IRF4: variants seen among roughly 807,000 people sequenced by gnomAD.
The protein encoded by IRF4 is interferon regulatory factor 4.
A neutral mutation model predicts 55.5 loss-of-function variants in IRF4; 13 were observed. The observed-to-expected ratio is 0.23, with a 90% confidence interval of 0.15 to 0.37. The LOEUF is 0.37. Among genes scored for constraint, IRF4 ranks in the 10% least tolerant of loss-of-function variants. The pLI, the probability that IRF4 is intolerant of heterozygous loss-of-function variation, is 1.00. For synonymous variants in IRF4, 249 were observed against 240.7 expected, an observed-to-expected ratio of 1.03 and a Z score of -0.32; for missense variants, 397 against 593.8, an observed-to-expected ratio of 0.67 and a Z score of 3.44.
At chr6:399,254 A>G (rs753324660) in intron 6 of IRF4, among the ~76,000 whole-genome samples, 4 of 152,318 alleles carry the variant, frequency 2.6e-5, no homozygotes, top group Non-Finnish European at 5.9e-5. Context: ...CTCTTCAGCC[A>G]ACATTCTCAC....
At chr6:396,058 C>CA in intron 4 of IRF4, 123 bp downstream of exon 4, 1 of 688,584 alleles carries the variant, frequency 1.5e-6, no homozygotes, top group Non-Finnish European at 2.5e-6. Context: ...CTCCAACAGC[C>CA]CAGAAAAACC....
chr6:398,749 C>A, intron 5 of IRF4, 79 bp from the exon 6 acceptor site: 2 of 981,042 alleles, frequency 2.0e-6, no homozygotes, highest in East Asian at 2.6e-5. Flanking sequence ...TCCCAGGCTT[C>A]ACACACACAC....
chr6:393,122 C>A lies in IRF4; in HGVS notation c.-31C>A. On this transcript the variant is annotated 5_prime_UTR_variant, in exon 2 of 9. Coordinates refer to ENST00000380956, the MANE Select transcript of IRF4 (RefSeq NM_002460.4). This position sits in a 1 kb window ranked among gnomAD's most constrained non-coding sequence, Gnocchi z 5.4. ...GTGCAGAGCAGAGCGGGCGGAGGAC[C>A]CCGGGCGCGGGCGCGGACGGCACGC... 1 of 1,542,300 alleles carries A rather than the reference C, an allele frequency of 6.5e-7. No individual in the cohort carries two copies. Among genetic ancestry groups the A allele is most frequent in the Non-Finnish European group, 8.8e-7 (1 of 1,142,298 alleles).
Position 401,699 on chromosome 6 carries a change from G to A in IRF4, c.1021G>A (p.Ala341Thr). The A allele has an allele frequency of 6.2e-7, 1 of 1,614,234 alleles. No individual in the cohort carries two copies. The highest frequency in any genetic ancestry group is 8.5e-7 in the Non-Finnish European group (1 of 1,180,050). ...CAGGATCTACTGGGACGGGCCCCTG[G>A]CGCTGTGCAACGACCGGCCCAACAA... ...QSRIYWDGPL[A>T]LCNDRPNKLE... The change falls in exon 7 of 9, where the codon GCG (alanine) becomes ACG (threonine). Residue 341 changes from alanine to threonine, a missense_variant. Physicochemically the swap from Ala to Thr is moderately conservative, Grantham distance 58. Transcript: ENST00000380956.
At chr6:394,534 G>C (rs1156517445) in intron 2 of IRF4, among the ~76,000 whole-genome samples, 1 of 152,208 alleles carries the variant, frequency 6.6e-6, no homozygotes, top group Non-Finnish European at 1.5e-5. Context: ...TTGGGAAGAT[G>C]AGGTGGAAGG....
rs893823313 is a variant in IRF4, at chr6:398,828, G to T, written c.638G>T (p.Gly213Val). 2 of 1,611,890 alleles carry T rather than the reference G, an allele frequency of 1.2e-6. No homozygotes were observed. The highest frequency in any genetic ancestry group is 1.3e-5 in the African/African-American group (1 of 75,024). The change falls in exon 6 of 9, where the codon GGT (glycine) becomes GTT (valine). Residue 213 changes from glycine to valine, a missense_variant and splice_region_variant. This residue lies in a region of IRF4 where 341 missense variants were observed against 548.1 expected (regional missense o/e 0.62). Transcript: ENST00000380956. ...ATCTGATTTTTATTTGCAAATGCAG[G>T]TTGCCAGGTGACAGGAACCTTTTAT... ...HHWQGPACEN[G>V]CQVTGTFYAC...
At chr6:397,057 C>A in intron 4 of IRF4, 51 bp from the exon 5 acceptor site, 2 of 1,599,072 alleles carry the variant, frequency 1.3e-6, no homozygotes, top group Non-Finnish European at 1.7e-6. Context: ...CTCCTTTACC[C>A]CCGTCTCAAT....
Position 393,550 on chromosome 6 carries a change from C to T in IRF4, c.216+182C>T. Among the ~76,000 whole-genome samples the T allele has an allele frequency of 6.6e-6, 1 of 152,018 alleles. No individual in the cohort carries two copies. The highest frequency in any genetic ancestry group is 3.4e-3 in the Middle Eastern group (1 of 292). ...GAGGAAAGGAGGCCTCGGCTCTCAG[C>T]GGGACCGCGGGGGCCGGGAGCCGGG... On this transcript the variant is annotated intron_variant, in intron 2 of 8. Coordinates refer to ENST00000380956, the MANE Select transcript of IRF4 (RefSeq NM_002460.4). The surrounding 1 kb of genome is among the most constrained non-coding windows in gnomAD (Gnocchi z 5.4).
At chr6:394,092 C>A (rs1433188614) in intron 2 of IRF4, among the ~76,000 whole-genome samples, 9 of 152,174 alleles carry the variant, frequency 5.9e-5, no homozygotes, top group Admixed American at 5.9e-4. Context: ...GCCCAGCCCC[C>A]ACCTGTGGGC....
chr6:404,105 T>G (rs1396972381), intron 7 of IRF4, among the ~76,000 whole-genome samples: 2 of 152,158 alleles, frequency 1.3e-5, no homozygotes, highest in African/African-American at 4.8e-5. Context: ...CCCGAGGGTG[T>G]GTATCTGATA....
At chr6:395,055 C>CT in intron 3 of IRF4, 48 bp downstream of exon 3, 1 of 1,381,098 alleles carries the variant, frequency 7.2e-7, no homozygotes. Context: ...CAGCCAGATC[C>CT]TTGAGGCACC....
rs1423974332 is a variant in IRF4 at position 401,804 on chromosome 6, T to C, written c.1099+27T>C. ...TAAGGCACCTCGTTATCTGTTAGAATGGAGGTGGTGATGGCCTGCCTGCCA... is the reference window on the plus strand; with the variant it reads ...TAAGGCACCTCGTTATCTGTTAGAACGGAGGTGGTGATGGCCTGCCTGCCA... On this transcript the variant is annotated intron_variant, in intron 7 of 8. Coordinates refer to ENST00000380956, the MANE Select transcript of IRF4 (RefSeq NM_002460.4). 3.1e-6 allele frequency: 5 copies of C among 1,599,726 alleles called. No individual in the cohort carries two copies. The South Asian group carries it at 5.5e-5, about 18-fold the overall frequency.
rs1761589342 is a variant in IRF4 at position 407,732 on chromosome 6, G to A, written c.*134G>A. ...CAGCTCACTGTGACCTCCGCCTCCT[G>A]GGTTCAAGAGACTCTCCTGCCTCAG... is the stretch of plus-strand genomic sequence containing the variant. On this transcript the variant is annotated 3_prime_UTR_variant, in exon 9 of 9. Transcript: ENST00000380956. The A allele has an allele frequency of 1.3e-6, 1 of 791,592 alleles. No homozygotes were observed. The highest frequency in any genetic ancestry group is 1.8e-5 in the South Asian group (1 of 55,574). 49.0% of individuals were successfully genotyped at this position (791,592 alleles called of 1,614,324 possible). A position where few individuals can be genotyped will look rare whatever the true frequency, so the allele number is the denominator to read the frequency against.
intron 7 of IRF4, among the ~76,000 whole-genome samples, chr6:403,269 C>T (rs1467452604): frequency 6.6e-6 from 1 of 152,252 alleles, no homozygotes; most frequent in South Asian, 2.1e-4. Flanking sequence ...GGGGGACCCC[C>T]CCTCCCCTGT....
At chr6:400,236 C>T (rs763397481) in intron 6 of IRF4, among the ~76,000 whole-genome samples, 8 of 152,164 alleles carry the variant, frequency 5.3e-5, no homozygotes, top group African/African-American at 9.7e-5. Context: ...TAATTATCAG[C>T]CATGAGCACA....
intron 4 of IRF4, 60 bp downstream of exon 4, chr6:395,995 G>C: frequency 7.3e-7 from 1 of 1,366,704 alleles, no homozygotes; most frequent in Non-Finnish European, 1.0e-6. Context: ...CTGCCCACAT[G>C]GCCAGAGAAC....
At chr6:397,796 A>C (rs1761305259) in intron 5 of IRF4, among the ~76,000 whole-genome samples, 1 of 152,230 alleles carries the variant, frequency 6.6e-6, no homozygotes, top group South Asian at 2.1e-4. Flanking sequence ...CCCAGACATC[A>C]AAATGAGCTC....
chr6:399,464 C>G (rs1254268475), intron 6 of IRF4, among the ~76,000 whole-genome samples: 1 of 140,798 alleles, frequency 7.1e-6, no homozygotes, highest in African/African-American at 2.7e-5. Flanking sequence ...AGCTTGCAAA[C>G]AAATATGGAT....
chr6:407,627 TC>T lies in IRF4; in HGVS notation c.*31del. The T allele has an allele frequency of 1.3e-6, 2 of 1,560,000 alleles. No individual in the cohort carries two copies. Among genetic ancestry groups the T allele is most frequent in the Non-Finnish European group, 8.7e-7 (1 of 1,153,578 alleles). Reference sequence around the variant, plus strand: ...ATGTCAAGATGAGTGGTTTTCTTTTTCCTTTTTTTTTTTTTTTTTTTGATAC... The same window carrying T: ...ATGTCAAGATGAGTGGTTTTCTTTTTCTTTTTTTTTTTTTTTTTTTGATAC... On this transcript the variant is annotated 3_prime_UTR_variant, in exon 9 of 9. Coordinates refer to ENST00000380956, the MANE Select transcript of IRF4 (RefSeq NM_002460.4).
Sources: gnomAD v4.1 joint callset for allele counts (sites outside exome capture counted in the v4.1 genomes callset) on GRCh38, gnomAD v4.1.1 for gene constraint, gnomAD v4.1.1 regional missense constraint, Gnocchi (gnomAD v3.1) non-coding constraint, MANE v1.5 for transcripts, NCBI Gene and HGNC (gene_info 2026-07-23, HGNC 2026-07-21) for gene names.